The following TLE4 variants were observed in gnomAD, a reference collection of about 807,000 sequenced individuals.
TLE4 encodes TLE family member 4, transcriptional corepressor.
In TLE4, 8 loss-of-function variants were observed where a neutral mutation model predicts 92.8. The observed-to-expected ratio is 0.09, with a 90% CI of 0.05 to 0.16. The LOEUF (loss-of-function observed/expected upper bound fraction) is 0.16. Among genes scored for constraint, TLE4 ranks in the 10% least tolerant of loss-of-function variants. TLE4 has a pLI of 1.00. For synonymous variants in TLE4, 371 were observed against 374.1 expected, an observed-to-expected ratio of 0.99 and a Z score of 0.10; for missense variants, 675 against 997.6, an observed-to-expected ratio of 0.68 and a Z score of 4.36.
intron 4 of TLE4, among the ~76,000 whole-genome samples, chr9:79,605,003 A>T (rs2046474207): frequency 1.3e-5 from 2 of 151,936 alleles, no homozygotes; most frequent in African/African-American, 2.4e-5. Flanking sequence ...AAGGTGTGTG[A>T]GAGAGAGAAG....
intron 4 of TLE4, among the ~76,000 whole-genome samples, chr9:79,584,690 AG>A (rs1480517151): frequency 2.0e-5 from 3 of 152,212 alleles, no homozygotes; most frequent in Non-Finnish European, 2.9e-5. Flanking sequence ...AGGGTATATT[AG>A]GTTGCAAGAT....
At chr9:79,587,358 C>G (rs1017528457) in intron 4 of TLE4, among the ~76,000 whole-genome samples, 1 of 152,186 alleles carries the variant, frequency 6.6e-6, no homozygotes, top group African/African-American at 2.4e-5. Flanking sequence ...TCTCAGTCTG[C>G]TACAGGTCCT....
At chr9:79,608,442 G>A (rs964158912) in intron 4 of TLE4, among the ~76,000 whole-genome samples, 48 of 152,126 alleles carry the variant, frequency 3.2e-4, no homozygotes, top group African/African-American at 1.0e-3. Context: ...AGATTTATTT[G>A]TGTTTATTCC....
intron 8 of TLE4, among the ~76,000 whole-genome samples, chr9:79,657,250 AAC>A (rs2059905717): frequency 1.3e-5 from 2 of 152,176 alleles, no homozygotes; most frequent in South Asian, 4.1e-4. Context: ...AATGACAAGA[AAC>A]ACAGACTGTG....
chr9:79,599,724 T>C (rs1431666124), intron 4 of TLE4, among the ~76,000 whole-genome samples: 2 of 152,236 alleles, frequency 1.3e-5, no homozygotes, highest in African/African-American at 4.8e-5. Context: ...ATGTATATAA[T>C]ACTTGTTAAT....
At chr9:79,675,940 C>T (rs1318265698) in intron 8 of TLE4, among the ~76,000 whole-genome samples, 1 of 152,042 alleles carries the variant, frequency 6.6e-6, no homozygotes, top group East Asian at 1.9e-4. Context: ...GCGCAATGAA[C>T]ATTTCCCTTG....
rs546476058 is a variant in TLE4, at chr9:79,668,770, C to T, written c.609+14695C>T. On this transcript the variant is annotated intron_variant, in intron 8 of 19. Coordinates refer to ENST00000376552, the MANE Select transcript of TLE4 (RefSeq NM_007005.6). ...AGCAAATGGAAGTCATCTACTGGAA[C>T]GCTTTTAATTTGCTTTAAACAAAAT... The T allele has an allele frequency of 1.5e-4, 148 of 973,678 alleles. 1 individual carries two copies. In the Admixed American group the frequency reaches 2.7e-3, roughly 18 times the overall value. The allele number at this position is 973,678 out of a possible 1,614,324, so 60.3% of individuals were successfully genotyped here. A position where few individuals can be genotyped will look rare whatever the true frequency, so the allele number is the denominator to read the frequency against.
At chr9:79,600,254 C>G (rs976944791) in intron 4 of TLE4, among the ~76,000 whole-genome samples, 1 of 152,048 alleles carries the variant, frequency 6.6e-6, no homozygotes, top group African/African-American at 2.4e-5. Flanking sequence ...CCTGCCTAGT[C>G]AAGTATTAAA....
chr9:79,687,504 A>G (rs1266191142), intron 8 of TLE4, among the ~76,000 whole-genome samples: 1 of 152,152 alleles, frequency 6.6e-6, no homozygotes, highest in Non-Finnish European at 1.5e-5. Flanking sequence ...CTCGTCTTTC[A>G]TTTTTATAGA....
At chr9:79,660,961 A>ATGGTTTATTCCTTTCCCT (rs1460917265) in intron 8 of TLE4, among the ~76,000 whole-genome samples, 1 of 152,176 alleles carries the variant, frequency 6.6e-6, no homozygotes, top group Non-Finnish European at 1.5e-5. Flanking sequence ...ATTTGGCAAA[A>ATGGTTTATTCCTTTCCCT]TGGTTTATTC....
chr9:79,599,513 G>A (rs527703492), intron 4 of TLE4, among the ~76,000 whole-genome samples: 6 of 152,202 alleles, frequency 3.9e-5, no homozygotes, highest in Admixed American at 6.5e-5. Context: ...TGTTTCCCAC[G>A]GAATATCATC....
At chr9:79,668,140 G>T (rs1175252256) in intron 8 of TLE4, among the ~76,000 whole-genome samples, 1 of 152,194 alleles carries the variant, frequency 6.6e-6, no homozygotes, top group Non-Finnish European at 1.5e-5. Flanking sequence ...CTAGTTACTG[G>T]GTGGGTTTCA....
chr9:79,630,213 A>T (rs932690341), intron 6 of TLE4, among the ~76,000 whole-genome samples: 1 of 152,140 alleles, frequency 6.6e-6, no homozygotes, highest in Non-Finnish European at 1.5e-5. Context: ...ATATTATTCT[A>T]CCTTCATTGG....
chr9:79,679,894 T>A (rs2064126572), intron 8 of TLE4, among the ~76,000 whole-genome samples: 1 of 152,108 alleles, frequency 6.6e-6, no homozygotes, highest in African/African-American at 2.4e-5. Flanking sequence ...CATTGCTTGT[T>A]TTTCTCAGGT....
intron 8 of TLE4, among the ~76,000 whole-genome samples, chr9:79,683,711 A>G (rs2065212119): frequency 6.6e-6 from 1 of 152,350 alleles, no homozygotes; most frequent in East Asian, 1.9e-4. Flanking sequence ...GGAGATTAGT[A>G]AAAATCAGTT....
At chr9:79,722,881 T>C in intron 18 of TLE4, 78 bp from the exon 19 acceptor site, 1 of 1,318,268 alleles carries the variant, frequency 7.6e-7, no homozygotes, top group African/African-American at 1.5e-5. Context: ...TGTTAATAGT[T>C]TGGTGTTCTA....
intron 4 of TLE4, among the ~76,000 whole-genome samples, chr9:79,577,240 CT>C (rs1209147379): frequency 6.6e-6 from 1 of 151,954 alleles, no homozygotes; most frequent in South Asian, 2.1e-4. Flanking sequence ...TTATGGATTC[CT>C]TTTTGGGTAT....
intron 2 of TLE4, chr9:79,574,251 A>C (rs984740907): frequency 1.3e-5 from 2 of 152,318 alleles, no homozygotes; most frequent in Non-Finnish European, 2.9e-5. Flanking sequence ...TTCATCTTAT[A>C]GACGATTTTT....
chr9:79,716,603 A>G (rs975842776), intron 14 of TLE4, among the ~76,000 whole-genome samples: 1 of 152,204 alleles, frequency 6.6e-6, no homozygotes, highest in African/African-American at 2.4e-5. Context: ...TTGCTGAATA[A>G]ATGAATAATT....
Sources: allele counts gnomAD v4.1 joint callset (sites outside exome capture counted in the v4.1 genomes callset), GRCh38; gene constraint gnomAD v4.1.1; transcripts MANE v1.5; gene names NCBI Gene and HGNC (gene_info 2026-07-23, HGNC 2026-07-21).